TOPAZ1: variants seen among roughly 807,000 people sequenced by gnomAD.
TOPAZ1 encodes the protein testis and ovary specific TOPAZ 1.
Under a neutral mutation model 172.2 loss-of-function variants are expected in TOPAZ1, and 66 were observed. The observed-to-expected ratio is 0.38, with a 90% CI of 0.31 to 0.47. The LOEUF (loss-of-function observed/expected upper bound fraction) is 0.47, where lower values mean the gene tolerates loss of function less well. Ranked by LOEUF, TOPAZ1 falls within the 20% of genes least tolerant of loss-of-function variation. The pLI, the probability that TOPAZ1 is intolerant of heterozygous loss-of-function variation, is 0.99. For missense variants in TOPAZ1, 1,822 were observed against 1,972.4 expected, an observed-to-expected ratio of 0.92 and a Z score of 1.44; for synonymous variants, 681 against 683.9, an observed-to-expected ratio of 1.00 and a Z score of 0.07.
At chr3:44,279,937 T>C (rs1026459049) in intron 8 of TOPAZ1, among the ~76,000 whole-genome samples, 1 of 152,158 alleles carries the variant, frequency 6.6e-6, no homozygotes, top group Non-Finnish European at 1.5e-5. Flanking sequence ...ATTTGATTCT[T>C]TTCTCTTTCT....
At chr3:44,335,361 C>A (rs2125709589), downstream of TOPAZ1, among the ~76,000 whole-genome samples, 1 of 152,154 alleles carries the variant, frequency 6.6e-6, no homozygotes, top group East Asian at 1.9e-4. Context: ...CACAGTGGCT[C>A]ACACCTGTAA....
Position 44,305,291 on chromosome 3 carries a change from G to A in TOPAZ1, c.4009G>A (p.Asp1337Asn). 1 of 1,541,348 alleles carries A rather than the reference G, an allele frequency of 6.5e-7. No individual in the cohort carries two copies. The highest frequency in any genetic ancestry group is 2.1e-5 in the Admixed American group (1 of 48,104). Reference sequence around the variant, plus strand: ...AAAAAACTATGAAGATGAAAGACCAGATATTCCCTTTTGTGAATTTGCTGA... The same window carrying A: ...AAAAAACTATGAAGATGAAAGACCAAATATTCCCTTTTGTGAATTTGCTGA... ...LTKNYEDERP[D>N]IPFCEFAETV... Residue 1337 changes from aspartate (D) to asparagine (N), a missense_variant, in exon 14 of 20, where the codon GAT becomes AAT. Asp to Asn is a conservative substitution (Grantham distance 23, BLOSUM62 1). Transcript: ENST00000309765.
At chr3:44,296,847 C>CAAAAAAAAAAAAAAAAAAA (rs141080618) in intron 12 of TOPAZ1, among the ~76,000 whole-genome samples, 10 of 104,772 alleles carry the variant, frequency 9.5e-5, no homozygotes, top group East Asian at 2.6e-4. Context: ...CAGAGAATAC[C>CAAAAAAAAAAAAAAAAAAA]AAAAAAAAAA....
rs1162388719 is a variant in TOPAZ1 at position 44,242,909 on chromosome 3, G to T, written c.403G>T (p.Asp135Tyr). The T allele has an allele frequency of 6.5e-7, 1 of 1,540,708 alleles. No individual in the cohort carries two copies. Among genetic ancestry groups the T allele is most frequent in the Admixed American group, 2.1e-5 (1 of 48,240 alleles). Residue 135 changes from aspartate to tyrosine, a missense_variant, in exon 2 of 20, where the codon GAC becomes TAC. By Grantham distance (160) the Asp-to-Tyr change is radical (BLOSUM62 -3). Around this residue, in one of 2 missense-constraint regions of TOPAZ1, gnomAD observed 1,489 missense variants for 1,490.8 expected, o/e 1.00. Transcript: ENST00000309765. ...ASSDDPQPGL[D>Y]LVRKESLTSS... ...AAGTGATGATCCACAGCCAGGGCTT[G>T]ACTTGGTAAGAAAGGAATCATTAAC...
In TOPAZ1 at chr3:44,300,580, A is replaced by G. The variant is rs543619590; in HGVS notation, c.3798-3435A>G. Among the ~76,000 whole-genome samples the G allele has an allele frequency of 1.7e-4, 26 of 152,352 alleles. No homozygotes were observed. The East Asian group carries it at 5.0e-3, about 29-fold the overall frequency. ...CTATATGAGATATCACCACACACCT[A>G]TCAGAATAACAGAATTTTTTTTTAA... On this transcript the variant is annotated intron_variant, in intron 12 of 19. Transcript: ENST00000309765.
intron 17 of TOPAZ1, among the ~76,000 whole-genome samples, chr3:44,321,601 G>A (rs1007491186): frequency 2.6e-5 from 4 of 152,154 alleles, no homozygotes; most frequent in Non-Finnish European, 4.4e-5. Flanking sequence ...AAGTTCAAAC[G>A]CCAATGTGGG....
At chr3:44,255,141 G>T in intron 3 of TOPAZ1, 112 bp downstream of exon 3, 1 of 682,130 alleles carries the variant, frequency 1.5e-6, no homozygotes, top group Non-Finnish European at 2.5e-6. Flanking sequence ...TTTAGGGTCT[G>T]TTGACCATAT....
chr3:44,294,753 G>A (rs529573965), intron 12 of TOPAZ1, among the ~76,000 whole-genome samples: 21 of 152,098 alleles, frequency 1.4e-4, no homozygotes, highest in Non-Finnish European at 2.6e-4. Context: ...TGATCTGCCT[G>A]CTTCAGCATC....
intron 3 of TOPAZ1, among the ~76,000 whole-genome samples, chr3:44,255,650 T>TTAAAAAAA: frequency 3.3e-5 from 1 of 30,618 alleles, no homozygotes; most frequent in East Asian, 3.8e-3. Flanking sequence ...AGACTCTGTC[T>TTAAAAAAA]CAAAAAAAAA....
At chr3:44,331,334 C>CT (rs10711072) in intron 19 of TOPAZ1, among the ~76,000 whole-genome samples, 11 of 150,916 alleles carry the variant, frequency 7.3e-5, no homozygotes, top group African/African-American at 2.7e-4. Context: ...CATAATATGT[C>CT]TTTTTTTTTT....
downstream of TOPAZ1, among the ~76,000 whole-genome samples, chr3:44,333,844 GAGGATGCAGA>G (rs757001972): frequency 3.9e-5 from 6 of 152,200 alleles, no homozygotes; most frequent in Non-Finnish European, 8.8e-5. Context: ...AGATAGATAG[GAGGATGCAGA>G]AGGATGCAGC....
chr3:44,266,697 A>G (rs972677079), intron 5 of TOPAZ1, among the ~76,000 whole-genome samples: 41 of 152,254 alleles, frequency 2.7e-4, no homozygotes, highest in African/African-American at 9.9e-4. Context: ...GCCCTGAAAC[A>G]ATATCAGTAG....
At chr3:44,277,917 C>T (rs987587475) in intron 8 of TOPAZ1, among the ~76,000 whole-genome samples, 2 of 152,188 alleles carry the variant, frequency 1.3e-5, no homozygotes, top group Admixed American at 1.3e-4. Flanking sequence ...CAGCACCATG[C>T]TTCCTGTAAA....
intron 2 of TOPAZ1, among the ~76,000 whole-genome samples, chr3:44,247,807 T>A (rs1699583241): frequency 6.6e-6 from 1 of 151,992 alleles, no homozygotes; most frequent in Non-Finnish European, 1.5e-5. Context: ...ATGCCACCAC[T>A]CCTGGCTAAT....
At chr3:44,274,804 T>A (rs1699935734) in intron 8 of TOPAZ1, among the ~76,000 whole-genome samples, 1 of 152,158 alleles carries the variant, frequency 6.6e-6, no homozygotes, top group Non-Finnish European at 1.5e-5. Flanking sequence ...TCTGCCTGCC[T>A]CAGCCTCCCA....
intron 9 of TOPAZ1, 112 bp downstream of exon 9, chr3:44,282,143 T>C: frequency 1.5e-6 from 1 of 664,788 alleles, no homozygotes; most frequent in Non-Finnish European, 2.5e-6. Context: ...TACCCAAGAG[T>C]AGCTCTGTTG....
In TOPAZ1 at chr3:44,244,555, GCTGA is replaced by G. The variant is rs1386035542; in HGVS notation, c.2052_2055del (p.Thr685IlefsTer17). 8 of 1,549,846 alleles carry G rather than the reference GCTGA, an allele frequency of 5.2e-6. No individual in the cohort carries two copies. The highest frequency in any genetic ancestry group is 1.2e-5 in the South Asian group (1 of 83,462). ...TGGTTAAAATATTGAACACAGGACG[GCTGA>G]CTAATTTTAAAATTCCTTTACTTAA... is the stretch of plus-strand genomic sequence containing the variant. On this transcript the variant is annotated frameshift_variant, in exon 2 of 20. Transcript: ENST00000309765. LOFTEE classifies it high-confidence loss of function.
At chr3:44,267,661 A>G (rs1699847362) in intron 6 of TOPAZ1, among the ~76,000 whole-genome samples, 1 of 152,204 alleles carries the variant, frequency 6.6e-6, no homozygotes, top group African/African-American at 2.4e-5. Context: ...TAGTACGAGT[A>G]AATTACAGGT....
chr3:44,331,704 AG>A, intron 19 of TOPAZ1, 87 bp from the exon 20 acceptor site: 1 of 1,010,190 alleles, frequency 9.9e-7, no homozygotes, highest in Non-Finnish European at 1.5e-6. Context: ...ATCATAGCTT[AG>A]TACCAGTAAA....
Sources: gnomAD v4.1 joint callset for allele counts (sites outside exome capture counted in the v4.1 genomes callset) on GRCh38, gnomAD v4.1.1 for gene constraint, gnomAD v4.1.1 regional missense constraint, MANE v1.5 for transcripts, NCBI Gene and HGNC (gene_info 2026-07-23, HGNC 2026-07-21) for gene names.